The following NNMT variants were observed in gnomAD, a reference collection of about 807,000 sequenced individuals.
The protein encoded by NNMT is nicotinamide N-methyltransferase.
A neutral mutation model predicts 11.7 loss-of-function variants in NNMT; 10 were observed. The observed-to-expected ratio is 0.85, with a 90% confidence interval of 0.53 to 1.45. The LOEUF (loss-of-function observed/expected upper bound fraction) is 1.45. Among genes scored for constraint, NNMT ranks in the 40% most tolerant of loss-of-function variants. The pLI is 0.00. For synonymous variants in NNMT, 143 were observed against 133.8 expected, an observed-to-expected ratio of 1.07 and a Z score of -0.48; for missense variants, 381 against 319.4, an observed-to-expected ratio of 1.19 and a Z score of -1.47.
chr11:114,264,109 C>T (rs1945103127), intron 2 of NNMT, among the ~76,000 whole-genome samples: 2 of 152,034 alleles, frequency 1.3e-5, no homozygotes, highest in African/African-American at 2.4e-5. Flanking sequence ...TCTTTCCAAG[C>T]CCTTTGCTCC....
chr11:114,279,737 A>C (rs1484481794), intron 2 of NNMT, among the ~76,000 whole-genome samples: 3 of 152,212 alleles, frequency 2.0e-5, no homozygotes, highest in Non-Finnish European at 2.9e-5. Flanking sequence ...AAGTATTCAT[A>C]TATCATTTGC....
chr11:114,273,839 CA>C (rs892477709), intron 2 of NNMT, among the ~76,000 whole-genome samples: 22 of 150,690 alleles, frequency 1.5e-4, no homozygotes, highest in East Asian at 9.8e-4. Flanking sequence ...GACTTTATCT[CA>C]AAAAAAAAGT....
intron 2 of NNMT, among the ~76,000 whole-genome samples, chr11:114,302,803 G>GA (rs1488540184): frequency 6.6e-6 from 1 of 152,116 alleles, no homozygotes; most frequent in African/African-American, 2.4e-5. Context: ...TCGGGGCTTT[G>GA]AAAGGTCATT....
intron 2 of NNMT, among the ~76,000 whole-genome samples, chr11:114,303,871 T>C (rs1945464326): frequency 6.6e-6 from 1 of 152,160 alleles, no homozygotes; most frequent in South Asian, 2.1e-4. Flanking sequence ...CTGCCATAGC[T>C]GGCTAATTTT....
chr11:114,276,577 A>C (rs867033734), intron 2 of NNMT, among the ~76,000 whole-genome samples: 1 of 152,210 alleles, frequency 6.6e-6, no homozygotes, highest in African/African-American at 2.4e-5. Flanking sequence ...TCAAACAGAG[A>C]GGTTTATAAT....
chr11:114,259,345 A>AGT (rs201348463), intron 1 of NNMT, among the ~76,000 whole-genome samples: 50 of 96,674 alleles, frequency 5.2e-4, no homozygotes, highest in African/African-American at 9.5e-4. Flanking sequence ...GCAGAGGCCC[A>AGT]GTGGGGGGGG....
chr11:114,299,528 G>T (rs1182320578), intron 2 of NNMT, among the ~76,000 whole-genome samples: 1 of 152,174 alleles, frequency 6.6e-6, no homozygotes, highest in Non-Finnish European at 1.5e-5. Context: ...GCTGGCTGGA[G>T]TCATAAAATG....
intron 2 of NNMT, among the ~76,000 whole-genome samples, chr11:114,274,127 C>T (rs185466699): frequency 3.0e-4 from 46 of 152,276 alleles, no homozygotes; most frequent in Non-Finnish European, 5.9e-4. Context: ...AGATAAAATT[C>T]CAAATCTTAG....
intron 2 of NNMT, among the ~76,000 whole-genome samples, chr11:114,282,249 A>T (rs911545789): frequency 6.6e-6 from 1 of 152,164 alleles, no homozygotes; most frequent in Non-Finnish European, 1.5e-5. Context: ...AAATACCCCA[A>T]AATTGTAAAC....
chr11:114,267,390 C>A (rs900024675), intron 2 of NNMT, among the ~76,000 whole-genome samples: 5 of 151,976 alleles, frequency 3.3e-5, no homozygotes, highest in African/African-American at 1.2e-4. Flanking sequence ...GCATGTGGAC[C>A]CTGTGAGAGC....
At chr11:114,279,783 C>T (rs1472737993) in intron 2 of NNMT, among the ~76,000 whole-genome samples, 1 of 152,176 alleles carries the variant, frequency 6.6e-6, no homozygotes, top group Non-Finnish European at 1.5e-5. Flanking sequence ...AATTTTTGCC[C>T]TCGCTGGGCT....
intron 2 of NNMT, among the ~76,000 whole-genome samples, chr11:114,275,374 C>A (rs1015965967): frequency 2.0e-5 from 3 of 152,206 alleles, no homozygotes; most frequent in African/African-American, 7.2e-5. Flanking sequence ...CTGCTGGTTC[C>A]AGGCAGACTT....
intron 2 of NNMT, among the ~76,000 whole-genome samples, chr11:114,286,905 A>G (rs1260880441): frequency 2.0e-5 from 3 of 152,158 alleles, no homozygotes; most frequent in African/African-American, 7.2e-5. Context: ...AAGGACATCT[A>G]TTGGTCAAGG....
chr11:114,274,660 C>G lies in NNMT; in HGVS notation c.-130+11726C>G, dbSNP rs186338480. On this transcript the variant is annotated intron_variant, in intron 2 of 4. Coordinates refer to the NNMT transcript ENST00000535401. Reference sequence around the variant, plus strand: ...AGGAAGAAGAAAGGAAGAGTGAGTTCTATAAAGCCCCAAGGAGGGAACCAA... The same window carrying G: ...AGGAAGAAGAAAGGAAGAGTGAGTTGTATAAAGCCCCAAGGAGGGAACCAA... 3.3e-5 allele frequency among the ~76,000 whole-genome samples: 5 copies of G among 152,298 alleles called. No individual in the cohort carries two copies. In the East Asian group the frequency reaches 9.6e-4, roughly 29 times the overall value.
chr11:114,276,479 G>A (rs10891643), intron 2 of NNMT, among the ~76,000 whole-genome samples: 50,279 of 152,058 alleles, frequency 0.33, 9,905 homozygotes, highest in African/African-American at 0.55. Flanking sequence ...TTTCCTCTTC[G>A]TTTAGTCTGT....
intron 2 of NNMT, among the ~76,000 whole-genome samples, chr11:114,307,782 C>T (rs947812240): frequency 2.5e-4 from 38 of 152,052 alleles, no homozygotes; most frequent in Admixed American, 1.2e-3. Flanking sequence ...AATTTCCTCC[C>T]GCCCTCCCTG....
At chr11:114,282,296 G>A (rs1042883722) in intron 2 of NNMT, among the ~76,000 whole-genome samples, 8 of 152,138 alleles carry the variant, frequency 5.3e-5, no homozygotes, top group Admixed American at 2.0e-4. Flanking sequence ...ATTCCTGCTT[G>A]ATAATTAGAT....
chr11:114,270,695 T>A (rs1427569152), intron 2 of NNMT, among the ~76,000 whole-genome samples: 1 of 152,186 alleles, frequency 6.6e-6, no homozygotes, highest in East Asian at 1.9e-4. Context: ...CTTTTCTCTG[T>A]GTGTGTTTCC....
chr11:114,312,361 G>A lies in NNMT; in HGVS notation c.679G>A (p.Glu227Lys), dbSNP rs1179465801. Residue 227 changes from glutamate (E) to lysine (K), a missense_variant, in exon 3 of 3, where the codon GAG becomes AAG. Physicochemically the swap from Glu to Lys is moderately conservative, Grantham distance 56. Transcript: ENST00000299964. ...GREAVEAAVK[E>K]AGYTIEWFEV... ...GGAGGCAGTAGAGGCTGCTGTGAAA[G>A]AGGCTGGCTACACAATCGAATGGTT... 1 of 1,614,264 alleles carries A rather than the reference G, an allele frequency of 6.2e-7. No individual in the cohort carries two copies. Among genetic ancestry groups the A allele is most frequent in the Non-Finnish European group, 8.5e-7 (1 of 1,180,046 alleles).
Sources: allele counts gnomAD v4.1 joint callset (sites outside exome capture counted in the v4.1 genomes callset), GRCh38; gene constraint gnomAD v4.1.1; transcripts MANE v1.5; gene names NCBI Gene and HGNC (gene_info 2026-07-23, HGNC 2026-07-21).